CDH18: variants seen among roughly 807,000 people sequenced by gnomAD.
CDH18 encodes cadherin-18.
A neutral mutation model predicts 67.9 loss-of-function variants in CDH18; 31 were observed. The observed-to-expected ratio is 0.46, with a 90% CI of 0.34 to 0.62. CDH18 has a LOEUF of 0.62. Ranked by LOEUF, CDH18 falls within the 20% of genes least tolerant of loss-of-function variation. CDH18 has a pLI of 0.01. For synonymous variants in CDH18, 362 were observed against 347.2 expected, an observed-to-expected ratio of 1.04 and a Z score of -0.48; for missense variants, 890 against 975.5, an observed-to-expected ratio of 0.91 and a Z score of 1.17.
At chr5:20,419,249 GC>G (rs1747616683) in intron 1 of CDH18, among the ~76,000 whole-genome samples, 1 of 151,970 alleles carries the variant, frequency 6.6e-6, no homozygotes, top group African/African-American at 2.4e-5. Context: ...TTCTGAGGCT[GC>G]CCAGGCCTCT....
At chr5:19,844,073 C>T (rs1782648335) in intron 2 of CDH18, among the ~76,000 whole-genome samples, 1 of 152,092 alleles carries the variant, frequency 6.6e-6, no homozygotes. Context: ...CTTGCCTTGT[C>T]TCAGATGAGA....
At chr5:20,225,012 T>C (rs1237501842) in intron 2 of CDH18, among the ~76,000 whole-genome samples, 1 of 152,134 alleles carries the variant, frequency 6.6e-6, no homozygotes, top group African/African-American at 2.4e-5. Context: ...TTCTAGGTGC[T>C]ACTTAAACGT....
At chr5:20,450,528 T>G (rs1478869700) in intron 1 of CDH18, among the ~76,000 whole-genome samples, 2 of 151,908 alleles carry the variant, frequency 1.3e-5, no homozygotes, top group Admixed American at 6.6e-5. Context: ...AATGCAAAAA[T>G]AAAAGAAAAC....
intron 4 of CDH18, among the ~76,000 whole-genome samples, chr5:19,730,768 T>TAAAA (rs70950092): frequency 0.3 from 43,440 of 146,668 alleles, 6,585 homozygotes; most frequent in African/African-American, 0.38. Context: ...TATTAAATGG[T>TAAAA]AAAAAAAAAA....
intron 2 of CDH18, among the ~76,000 whole-genome samples, chr5:20,238,134 TCATAAA>T (rs148621923): frequency 0.025 from 3,870 of 151,958 alleles, 153 homozygotes; most frequent in African/African-American, 0.089. Context: ...TCAAAGAGGG[TCATAAA>T]CATAAATGGA....
At chr5:19,781,509 A>C (rs902994181) in intron 3 of CDH18, among the ~76,000 whole-genome samples, 5 of 152,170 alleles carry the variant, frequency 3.3e-5, no homozygotes, top group African/African-American at 1.2e-4. Context: ...AATTTCCCAA[A>C]ACCAGGCACT....
chr5:20,426,940 A>G (rs1053568797), intron 1 of CDH18, among the ~76,000 whole-genome samples: 4 of 150,992 alleles, frequency 2.6e-5, no homozygotes, highest in African/African-American at 9.9e-5. Flanking sequence ...CCATCTAAAA[A>G]TGGAGATTAT....
chr5:19,649,120 T>C (rs1270131562), intron 5 of CDH18, among the ~76,000 whole-genome samples: 1 of 152,128 alleles, frequency 6.6e-6, no homozygotes. Context: ...TAGAAATCCA[T>C]GTAATAATAA....
At chr5:19,981,965 G>A (rs763750976) in intron 1 of CDH18, among the ~76,000 whole-genome samples, 20 of 151,754 alleles carry the variant, frequency 1.3e-4, no homozygotes, top group Non-Finnish European at 2.6e-4. Flanking sequence ...TACTAATTAT[G>A]CCCTTGTTTA....
intron 1 of CDH18, among the ~76,000 whole-genome samples, chr5:20,562,640 T>C (rs895651795): frequency 6.6e-6 from 1 of 151,680 alleles, no homozygotes; most frequent in African/African-American, 2.4e-5. Context: ...ATTATTTTCT[T>C]CTCTTAAAGG....
intron 2 of CDH18, among the ~76,000 whole-genome samples, chr5:19,883,861 T>C (rs1260238705): frequency 6.6e-6 from 1 of 152,144 alleles, no homozygotes; most frequent in Non-Finnish European, 1.5e-5. Context: ...AATAATACTT[T>C]TGCTTAGTAT....
upstream of CDH18, among the ~76,000 whole-genome samples, chr5:19,990,931 T>G (rs530714987): frequency 2.0e-5 from 3 of 152,312 alleles, no homozygotes; most frequent in East Asian, 5.8e-4. Context: ...CCAGAATTTA[T>G]TACAGAACTA....
intron 10 of CDH18, among the ~76,000 whole-genome samples, chr5:19,510,895 T>TA (rs1745008240): frequency 6.6e-6 from 1 of 152,014 alleles, no homozygotes; most frequent in South Asian, 2.1e-4. Context: ...CACTACAACT[T>TA]ACGCCTCCTG....
intron 1 of CDH18, among the ~76,000 whole-genome samples, chr5:20,539,390 T>C (rs533782368): frequency 2.6e-5 from 4 of 152,176 alleles, no homozygotes; most frequent in African/African-American, 7.2e-5. Flanking sequence ...GTTATACTTA[T>C]GCAGAATTCA....
chr5:19,994,385 TATA>T (rs1735718029), intron 2 of CDH18, among the ~76,000 whole-genome samples: 1 of 151,236 alleles, frequency 6.6e-6, no homozygotes, highest in Non-Finnish European at 1.5e-5. Context: ...TCCTGACTGA[TATA>T]ATAAGTAATG....
intron 2 of CDH18, among the ~76,000 whole-genome samples, chr5:19,851,437 A>C (rs1420695342): frequency 1.3e-5 from 2 of 149,772 alleles, no homozygotes; most frequent in East Asian, 3.9e-4. Context: ...AAAAAAACAA[A>C]CCCAAAAAAC....
At position 20,181,769 on chromosome 5, in the gene CDH18, A is replaced by G. The variant is rs535869806; in HGVS notation, c.-518+73675T>C. Among the ~76,000 whole-genome samples the G allele has an allele frequency of 4.6e-5, 7 of 152,230 alleles. No homozygotes were observed. In the South Asian group the frequency reaches 1.4e-3, roughly 32 times the overall value. On this transcript the variant is annotated intron_variant, in intron 2 of 14. Coordinates refer to the CDH18 transcript ENST00000507958. ...AAGCATTATGTTTGTGTCTTCTCAT[A>G]TTAAATTTTCAAATAAGCATGCTAT...
At chr5:19,837,139 C>T (rs542302457) in intron 3 of CDH18, among the ~76,000 whole-genome samples, 7 of 152,200 alleles carry the variant, frequency 4.6e-5, no homozygotes, top group African/African-American at 1.2e-4. Flanking sequence ...AACCATCATT[C>T]GCAGCAAACT....
chr5:20,068,362 G>T (rs1743165454), intron 2 of CDH18, among the ~76,000 whole-genome samples: 1 of 151,934 alleles, frequency 6.6e-6, no homozygotes, highest in Non-Finnish European at 1.5e-5. Context: ...ATTGGTTTTG[G>T]GTTCAAAATA....
Sources: gnomAD v4.1 joint callset for allele counts (sites outside exome capture counted in the v4.1 genomes callset) on GRCh38, gnomAD v4.1.1 for gene constraint, MANE v1.5 for transcripts, NCBI Gene and HGNC (gene_info 2026-07-23, HGNC 2026-07-21) for gene names.